MGST3: variants seen among roughly 807,000 people sequenced by gnomAD.
MGST3 encodes glutathione S-transferase 3, mitochondrial.
In MGST3, 13 loss-of-function variants were observed where a neutral mutation model predicts 15.8. The ratio of observed to expected loss-of-function variants is 0.82; its 90% CI spans 0.54 to 1.31. The LOEUF (loss-of-function observed/expected upper bound fraction) is 1.31. Among genes scored for constraint, MGST3 ranks in the 50% most tolerant of loss-of-function variants. MGST3 has a pLI of 0.00. For synonymous variants in MGST3, 49 were observed against 68.1 expected (o/e 0.72, Z 1.38); for missense variants, 155 against 192.4 (o/e 0.81, Z 1.15).
intron 1 of MGST3, chr1:165,636,670 G>A (rs1331717336): frequency 6.6e-6 from 1 of 152,020 alleles, no homozygotes; most frequent in East Asian, 1.9e-4. Flanking sequence ...CTGGGAGGCA[G>A]AGGTTGCAGT....
intron 1 of MGST3, among the ~76,000 whole-genome samples, chr1:165,642,479 T>A (rs2101718294): frequency 6.6e-6 from 1 of 152,386 alleles, no homozygotes; most frequent in South Asian, 2.1e-4. Flanking sequence ...TATGTGGTTC[T>A]AAACTTTGCT....
At chr1:165,639,621 G>A (rs2101716446) in intron 1 of MGST3, among the ~76,000 whole-genome samples, 1 of 152,212 alleles carries the variant, frequency 6.6e-6, no homozygotes, top group African/African-American at 2.4e-5. Context: ...TGGCCAACAT[G>A]GCGAAACCCC....
At chr1:165,644,053 T>TAAAAGAAA (rs1648330891) in intron 1 of MGST3, among the ~76,000 whole-genome samples, 1 of 136,642 alleles carries the variant, frequency 7.3e-6, no homozygotes, top group African/African-American at 2.7e-5. Context: ...GACCCTGTGT[T>TAAAAGAAA]AAAAAAAAAA....
chr1:165,636,281 T>C (rs1470875008), intron 1 of MGST3, among the ~76,000 whole-genome samples: 3 of 152,138 alleles, frequency 2.0e-5, no homozygotes, highest in Non-Finnish European at 4.4e-5. Flanking sequence ...GCTGAAGCAG[T>C]CCTCCCACCT....
At chr1:165,644,530 AGT>A (rs201149269) in intron 1 of MGST3, among the ~76,000 whole-genome samples, 1 of 152,330 alleles carries the variant, frequency 6.6e-6, no homozygotes, top group East Asian at 1.9e-4. Context: ...GTGAGTGGTG[AGT>A]GTGAAGGCCT....
At chr1:165,635,375 T>C (rs1222418907) in intron 1 of MGST3, among the ~76,000 whole-genome samples, 1 of 152,246 alleles carries the variant, frequency 6.6e-6, no homozygotes, top group African/African-American at 2.4e-5. Flanking sequence ...GGAGATTTCA[T>C]CAGGCATGTG....
At chr1:165,647,589 C>T (rs1392876803) in intron 1 of MGST3, 1 of 152,088 alleles carries the variant, frequency 6.6e-6, no homozygotes, top group Non-Finnish European at 1.5e-5. Context: ...ACAAGGTAGC[C>T]CTGCACATAG....
chr1:165,652,763 G>A (rs937444716), intron 4 of MGST3, among the ~76,000 whole-genome samples: 3 of 152,214 alleles, frequency 2.0e-5, no homozygotes, highest in African/African-American at 4.8e-5. Context: ...CAGGAGAGGG[G>A]CAGCAACAGA....
At chr1:165,649,263 C>T (rs564013443) in intron 1 of MGST3, 19 of 157,784 alleles carry the variant, frequency 1.2e-4, no homozygotes, top group African/African-American at 4.3e-4. Flanking sequence ...TCACAGTGTC[C>T]CCCATGTCTG....
intron 1 of MGST3, among the ~76,000 whole-genome samples, chr1:165,640,820 AAGG>A (rs1648242943): frequency 6.6e-6 from 1 of 152,156 alleles, no homozygotes; most frequent in Non-Finnish European, 1.5e-5. Flanking sequence ...ATGCCACACA[AAGG>A]AGGCCTTCCC....
In MGST3 at chr1:165,638,081, A is replaced by G. The variant is rs535840008; in HGVS notation, c.-8+6788A>G. ...CTGCTTGCTTCAAAATACTGTTCCT[A>G]GTTTTCTTCCCCTAACTTGATAATG... On this transcript the variant is annotated intron_variant, in intron 1 of 5. Transcript: ENST00000367889. Among the ~76,000 whole-genome samples the G allele has an allele frequency of 9.2e-5, 14 of 152,242 alleles. No homozygotes were observed. In the South Asian group the frequency reaches 1.5e-3, roughly 16 times the overall value.
chr1:165,633,367 T>G (rs908028472), intron 1 of MGST3, among the ~76,000 whole-genome samples: 1 of 152,262 alleles, frequency 6.6e-6, no homozygotes, highest in African/African-American at 2.4e-5. Context: ...TGTTACCTTC[T>G]GAGTTATTTC....
At chr1:165,654,723 T>C (rs1440830388) in intron 5 of MGST3, among the ~76,000 whole-genome samples, 1 of 152,298 alleles carries the variant, frequency 6.6e-6, no homozygotes, top group East Asian at 1.9e-4. Context: ...TACTATATTT[T>C]TTTTCTTGGG....
chr1:165,649,397 C>T, intron 1 of MGST3: 1 of 163,072 alleles, frequency 6.1e-6, no homozygotes, highest in Admixed American at 6.0e-5. Flanking sequence ...CCTCTCTCTC[C>T]CTCTCCATCC....
intron 1 of MGST3, among the ~76,000 whole-genome samples, chr1:165,638,276 C>T (rs1164930763): frequency 1.3e-5 from 2 of 152,054 alleles, no homozygotes; most frequent in African/African-American, 4.8e-5. Context: ...CTCAGGAGTT[C>T]GAGACCAGCC....
chr1:165,636,261 A>G (rs894825233), intron 1 of MGST3, among the ~76,000 whole-genome samples: 3 of 151,034 alleles, frequency 2.0e-5, no homozygotes, highest in African/African-American at 7.4e-5. Context: ...GGCTAGACTC[A>G]AACTCCTAGG....
At chr1:165,637,920 A>G (rs1648153046) in intron 1 of MGST3, among the ~76,000 whole-genome samples, 1 of 152,132 alleles carries the variant, frequency 6.6e-6, no homozygotes, top group African/African-American at 2.4e-5. Context: ...CTCTGGCTAC[A>G]CTGAAAAGTT....
chr1:165,639,747 G>A (rs1033157312), intron 1 of MGST3, among the ~76,000 whole-genome samples: 1 of 152,124 alleles, frequency 6.6e-6, no homozygotes, highest in Non-Finnish European at 1.5e-5. Context: ...AGGCTGCAGT[G>A]AGCTGAGATA....
chr1:165,647,212 C>T (rs933418207), intron 1 of MGST3: 2 of 152,188 alleles, frequency 1.3e-5, no homozygotes, highest in Non-Finnish European at 2.9e-5. Context: ...AGTTTAACCT[C>T]ACAGATTGCA....
Sources: gnomAD v4.1 joint callset for allele counts (sites outside exome capture counted in the v4.1 genomes callset) on GRCh38, gnomAD v4.1.1 for gene constraint, MANE v1.5 for transcripts, NCBI Gene and HGNC (gene_info 2026-07-23, HGNC 2026-07-21) for gene names.